The following CADM1 variants were observed in gnomAD, a reference collection of about 807,000 sequenced individuals.
CADM1 encodes cell adhesion molecule 1.
In CADM1, 15 loss-of-function variants were observed where a neutral mutation model predicts 53.1. That is an observed-to-expected ratio of 0.28 (90% CI 0.19 to 0.44). The LOEUF is 0.44. Among genes scored for constraint, CADM1 ranks in the 20% least tolerant of loss-of-function variants. The pLI, the probability that CADM1 is intolerant of heterozygous loss-of-function variation, is 1.00. For missense variants in CADM1, 434 were observed against 611.3 expected (o/e 0.71, Z 3.06); for synonymous variants, 281 against 243.0 (o/e 1.16, Z -1.45).
rs140809510 is a variant in CADM1 at position 115,384,137 on chromosome 11, T to C, written c.124+120134A>G. Among the ~76,000 whole-genome samples, 36 of 152,296 alleles carry C rather than the reference T, an allele frequency of 2.4e-4. No homozygotes were observed. In the East Asian group the frequency reaches 6.6e-3, roughly 28 times the overall value. ...CTAAGCAGTCTCCGAGGTACTGCCTTTAAAATTTTTAACTTCATGGCCATT... is the reference window on the plus strand; with the variant it reads ...CTAAGCAGTCTCCGAGGTACTGCCTCTAAAATTTTTAACTTCATGGCCATT... On this transcript the variant is annotated intron_variant, in intron 1 of 11. Transcript: ENST00000331581.
chr11:115,425,320 A>C (rs1170913680), intron 1 of CADM1, among the ~76,000 whole-genome samples: 1 of 152,214 alleles, frequency 6.6e-6, no homozygotes, highest in Non-Finnish European at 1.5e-5. Flanking sequence ...TTACAGTAGC[A>C]GCATTTAACA....
chr11:115,309,894 G>A (rs560597070), intron 1 of CADM1, among the ~76,000 whole-genome samples: 49 of 152,154 alleles, frequency 3.2e-4, no homozygotes, highest in Non-Finnish European at 6.8e-4. Context: ...ATAATCCCTA[G>A]CCTCATGCTT....
At chr11:115,282,962 A>C (rs1215951734) in intron 1 of CADM1, among the ~76,000 whole-genome samples, 1 of 152,176 alleles carries the variant, frequency 6.6e-6, no homozygotes, top group African/African-American at 2.4e-5. Flanking sequence ...ACCAAGGCAA[A>C]TGGCCCCATG....
At chr11:115,382,954 T>G (rs999816767) in intron 1 of CADM1, among the ~76,000 whole-genome samples, 2 of 152,182 alleles carry the variant, frequency 1.3e-5, no homozygotes, top group African/African-American at 4.8e-5. Flanking sequence ...AAAAGGACTT[T>G]ACATGTATTC....
intron 1 of CADM1, among the ~76,000 whole-genome samples, chr11:115,276,714 A>G (rs568707042): frequency 6.6e-6 from 1 of 152,238 alleles, no homozygotes; most frequent in East Asian, 1.9e-4. Context: ...AAGTATTTTT[A>G]TTGACAAATA....
rs1407212261 is a variant in CADM1, at chr11:115,305,622, C to T, written c.125-65202G>A. ...CATTCTTTAAAGTTCTGTTAAAATC[C>T]AGTTTCTTCTACCAGCACTAGCTCC... On this transcript the variant is annotated intron_variant, in intron 1 of 11. Transcript: ENST00000331581. 1.3e-5 allele frequency among the ~76,000 whole-genome samples: 2 copies of T among 151,820 alleles called. 1 individual carries two copies. Among genetic ancestry groups the T allele is most frequent in the Non-Finnish European group, 2.9e-5 (2 of 67,910 alleles).
intron 1 of CADM1, among the ~76,000 whole-genome samples, chr11:115,360,895 G>C (rs868819174): frequency 1.3e-5 from 2 of 152,288 alleles, no homozygotes; most frequent in Middle Eastern, 3.4e-3. Flanking sequence ...GATTTTAACT[G>C]AACACTAGGA....
rs59153677 is a variant in CADM1 at position 115,244,212 on chromosome 11, A to G, written c.125-3792T>C. Among the ~76,000 whole-genome samples the G allele has an allele frequency of 6.0e-3, 909 of 152,356 alleles. 6 individuals carry two copies. The highest frequency in any genetic ancestry group is 0.019 in the African/African-American group (785 of 41,590). ...TATTGTCTAAAGAAAGATAAAATAT[A>G]TTTTTATGATTAGTAATGACCATGA... is the stretch of plus-strand genomic sequence containing the variant. On this transcript the variant is annotated intron_variant, in intron 1 of 11. Coordinates refer to ENST00000331581, the MANE Select transcript of CADM1 (RefSeq NM_001301043.2).
At chr11:115,217,493 T>C (rs964124347) in intron 6 of CADM1, among the ~76,000 whole-genome samples, 16 of 152,156 alleles carry the variant, frequency 1.1e-4, no homozygotes, top group Admixed American at 7.9e-4. Context: ...GCCCTAAACA[T>C]AGCAGCTTAA....
At chr11:115,328,387 T>C (rs76587651) in intron 1 of CADM1, among the ~76,000 whole-genome samples, 1 of 152,134 alleles carries the variant, frequency 6.6e-6, no homozygotes, top group Non-Finnish European at 1.5e-5. Flanking sequence ...AGTGCAATTA[T>C]TTATAAAGTT....
chr11:115,405,457 C>A (rs937111327), intron 1 of CADM1, among the ~76,000 whole-genome samples: 4 of 152,190 alleles, frequency 2.6e-5, no homozygotes, highest in Non-Finnish European at 5.9e-5. Context: ...AACTCCACTT[C>A]CAGGTGTTAC....
At chr11:115,450,120 TTC>T (rs1378738068) in intron 1 of CADM1, among the ~76,000 whole-genome samples, 1 of 152,140 alleles carries the variant, frequency 6.6e-6, no homozygotes, top group African/African-American at 2.4e-5. Context: ...GGCATAGTGA[TTC>T]TGTTTGACCC....
chr11:115,451,386 C>G (rs991120576), intron 1 of CADM1, among the ~76,000 whole-genome samples: 1 of 152,160 alleles, frequency 6.6e-6, no homozygotes, highest in Non-Finnish European at 1.5e-5. Context: ...GGTTTTACCA[C>G]GTGTAGCCAT....
intron 1 of CADM1, among the ~76,000 whole-genome samples, chr11:115,312,536 C>A (rs879421980): frequency 3.3e-5 from 5 of 152,028 alleles, no homozygotes; most frequent in Non-Finnish European, 7.4e-5. Flanking sequence ...CTACTTCATG[C>A]CGTATCAATA....
At position 115,190,260 on chromosome 11, in the gene CADM1, T is replaced by C. The variant is rs148396486; in HGVS notation, c.1165+628A>G. Among the ~76,000 whole-genome samples, 422 of 152,340 alleles carry C rather than the reference T, an allele frequency of 2.8e-3. 4 individuals carry two copies. The highest frequency in any genetic ancestry group is 9.8e-3 in the African/African-American group (407 of 41,580). ...TCCTCCCTCCCTCCTTTGTAGGATATGCTTCTTATTCTGGATTAGTAACAC... is the reference window on the plus strand; with the variant it reads ...TCCTCCCTCCCTCCTTTGTAGGATACGCTTCTTATTCTGGATTAGTAACAC... On this transcript the variant is annotated intron_variant, in intron 10 of 11. Coordinates refer to ENST00000331581, the MANE Select transcript of CADM1 (RefSeq NM_001301043.2).
At position 115,293,212 on chromosome 11, in the gene CADM1, C is replaced by T. The variant is rs183123889; in HGVS notation, c.125-52792G>A. On this transcript the variant is annotated intron_variant, in intron 1 of 11. Transcript: ENST00000331581. ...TTTTGGGAGGCCAAGGTGGGTGGAT[C>T]CCGGGGTCAGGAGATCAAGACCATC... 5.1e-3 allele frequency among the ~76,000 whole-genome samples: 784 copies of T among 152,246 alleles called. 9 individuals are homozygous for T. The highest frequency in any genetic ancestry group is 0.018 in the African/African-American group (735 of 41,550).
At chr11:115,494,216 C>A (rs1949561329) in intron 1 of CADM1, among the ~76,000 whole-genome samples, 1 of 152,004 alleles carries the variant, frequency 6.6e-6, no homozygotes, top group South Asian at 2.1e-4. Flanking sequence ...TCATTGTATT[C>A]TTCTTTCAAG....
chr11:115,232,198 C>A (rs1302636509), intron 3 of CADM1, among the ~76,000 whole-genome samples: 1 of 152,262 alleles, frequency 6.6e-6, no homozygotes, highest in South Asian at 2.1e-4. Context: ...TTGAACTCAA[C>A]TCTTGAATTT....
chr11:115,384,208 G>A (rs997656585), intron 1 of CADM1, among the ~76,000 whole-genome samples: 26 of 152,070 alleles, frequency 1.7e-4, no homozygotes, highest in Non-Finnish European at 3.7e-4. Flanking sequence ...GTGCTTTATG[G>A]ATGTACAAAG....
Sources: gnomAD v4.1 joint callset for allele counts (sites outside exome capture counted in the v4.1 genomes callset) on GRCh38, gnomAD v4.1.1 for gene constraint, MANE v1.5 for transcripts, NCBI Gene and HGNC (gene_info 2026-07-23, HGNC 2026-07-21) for gene names.